Variants in NSMCE2 observed in about 807,000 individuals in gnomAD.
NSMCE2 encodes NSE2 SUMO ligase component of SMC5/6 complex, also known as E3 SUMO-protein ligase NSE2.
NSMCE2 carries 24 observed loss-of-function variants against 23.8 expected under a neutral mutation model. The observed-to-expected ratio is 1.01, with a 90% CI of 0.73 to 1.42. The LOEUF is 1.42. Among genes scored for constraint, NSMCE2 ranks in the 40% most tolerant of loss-of-function variants. The probability of loss-of-function intolerance (pLI) is 0.00; values close to 1 mark genes in which losing one functional copy is unlikely to be tolerated. For synonymous variants in NSMCE2, 92 were observed against 94.1 expected (o/e 0.98, Z 0.13); for missense variants, 284 against 296.5 (o/e 0.96, Z 0.31).
chr8:125,099,987 T>TAGGG (rs1335957184), intron 1 of NSMCE2, among the ~76,000 whole-genome samples: 1 of 151,100 alleles, frequency 6.6e-6, no homozygotes, highest in African/African-American at 2.4e-5. Context: ...TGTCTTAGAG[T>TAGGG]AGGGAGGGAG....
chr8:125,326,116 G>A (rs915322458), intron 5 of NSMCE2, among the ~76,000 whole-genome samples: 1 of 152,060 alleles, frequency 6.6e-6, no homozygotes, highest in South Asian at 2.1e-4. Flanking sequence ...AATTAGCTGG[G>A]TGCGGTGGCA....
In NSMCE2 at chr8:125,290,256, T is replaced by G. The variant is rs191023611; in HGVS notation, c.419-66963T>G. ...TAAAATCATATTAAGTAGAAATGTCTTAGTCAAAACGTGACTGAAAGGAAA... is the reference window on the plus strand; with the variant it reads ...TAAAATCATATTAAGTAGAAATGTCGTAGTCAAAACGTGACTGAAAGGAAA... On this transcript the variant is annotated intron_variant, in intron 5 of 7. Coordinates refer to ENST00000287437, the MANE Select transcript of NSMCE2 (RefSeq NM_173685.4). Among the ~76,000 whole-genome samples the G allele has an allele frequency of 1.8e-3, 269 of 152,232 alleles. 3 individuals carry two copies. The highest frequency in any genetic ancestry group is 1.7e-3 in the Non-Finnish European group (119 of 68,028).
intron 3 of NSMCE2, among the ~76,000 whole-genome samples, chr8:125,145,553 GA>G (rs1355825288): frequency 6.6e-6 from 1 of 152,122 alleles, no homozygotes; most frequent in African/African-American, 2.4e-5. Flanking sequence ...AGGTTCATTT[GA>G]TTAACGAAAG....
At chr8:125,230,197 T>C (rs1825264303) in intron 5 of NSMCE2, among the ~76,000 whole-genome samples, 3 of 152,234 alleles carry the variant, frequency 2.0e-5, no homozygotes. Context: ...AAGAGATTCA[T>C]CCAGATATCA....
chr8:125,113,087 A>G (rs1004712863), intron 3 of NSMCE2, among the ~76,000 whole-genome samples: 2 of 152,014 alleles, frequency 1.3e-5, no homozygotes, highest in Non-Finnish European at 2.9e-5. Flanking sequence ...TACCTACAGA[A>G]TATGAAAAAT....
At chr8:125,182,390 T>C in intron 5 of NSMCE2, 134 bp downstream of exon 5, 1 of 756,252 alleles carries the variant, frequency 1.3e-6, no homozygotes, top group South Asian at 1.6e-5. Flanking sequence ...TGCGTTTTAT[T>C]GTTGTTGCAA....
chr8:125,339,206 A>G (rs1452084116), intron 5 of NSMCE2, among the ~76,000 whole-genome samples: 3 of 152,014 alleles, frequency 2.0e-5, no homozygotes, highest in African/African-American at 7.2e-5. Flanking sequence ...CAGTTCTCCA[A>G]ATGCACCTGG....
intron 5 of NSMCE2, among the ~76,000 whole-genome samples, chr8:125,330,893 T>C (rs962027703): frequency 3.3e-5 from 5 of 152,176 alleles, no homozygotes; most frequent in African/African-American, 1.2e-4. Context: ...TTTAATGTAA[T>C]GCAGAGTCCA....
intron 5 of NSMCE2, among the ~76,000 whole-genome samples, chr8:125,291,609 T>C (rs1563766611): frequency 6.6e-6 from 1 of 152,188 alleles, no homozygotes; most frequent in East Asian, 1.9e-4. Flanking sequence ...TACACCGGGA[T>C]GTGTTTTCAG....
chr8:125,192,012 G>A (rs1441990281), intron 5 of NSMCE2, among the ~76,000 whole-genome samples: 1 of 152,144 alleles, frequency 6.6e-6, no homozygotes, highest in African/African-American at 2.4e-5. Context: ...GTGAAGAAAG[G>A]TTCAGTTATC....
intron 3 of NSMCE2, among the ~76,000 whole-genome samples, chr8:125,140,120 T>G (rs1027029631): frequency 6.6e-6 from 1 of 152,238 alleles, no homozygotes; most frequent in Non-Finnish European, 1.5e-5. Context: ...GATTGTACTG[T>G]TAGAATTTTT....
chr8:125,122,703 T>G (rs1302022802), intron 3 of NSMCE2, among the ~76,000 whole-genome samples: 1 of 152,190 alleles, frequency 6.6e-6, no homozygotes, highest in Non-Finnish European at 1.5e-5. Context: ...TGTTGTACAT[T>G]CGTCCATCTA....
chr8:125,218,537 G>A (rs192896706), intron 5 of NSMCE2, among the ~76,000 whole-genome samples: 1 of 151,300 alleles, frequency 6.6e-6, no homozygotes, highest in East Asian at 2.0e-4. Flanking sequence ...TCAGCCTCCC[G>A]AGTAGCTGTG....
intron 5 of NSMCE2, among the ~76,000 whole-genome samples, chr8:125,313,367 G>A (rs1002575955): frequency 6.6e-5 from 10 of 152,238 alleles, no homozygotes; most frequent in Admixed American, 4.6e-4. Flanking sequence ...AGTCAAGTAT[G>A]GGGAGAAAAA....
chr8:125,254,215 TG>T (rs1826316765), intron 5 of NSMCE2, among the ~76,000 whole-genome samples: 2 of 152,330 alleles, frequency 1.3e-5, no homozygotes, highest in South Asian at 4.1e-4. Flanking sequence ...GTTTCAGTCG[TG>T]TTTGAAGATG....
intron 1 of NSMCE2, among the ~76,000 whole-genome samples, chr8:125,095,896 A>AG (rs2130310355): frequency 6.6e-6 from 1 of 152,070 alleles, no homozygotes; most frequent in East Asian, 1.9e-4. Context: ...AAAAAAAAAA[A>AG]AAAAAGAAAA....
chr8:125,235,556 G>A (rs1825508264), intron 5 of NSMCE2, among the ~76,000 whole-genome samples: 3 of 152,122 alleles, frequency 2.0e-5, no homozygotes, highest in African/African-American at 7.2e-5. Flanking sequence ...ATATATAGAT[G>A]TATATATAGA....
At chr8:125,093,579 G>A (rs1385514080) in intron 1 of NSMCE2, among the ~76,000 whole-genome samples, 3 of 151,810 alleles carry the variant, frequency 2.0e-5, no homozygotes, top group Non-Finnish European at 4.4e-5. Flanking sequence ...TAACATAATT[G>A]GTGTGTCCTG....
intron 5 of NSMCE2, among the ~76,000 whole-genome samples, chr8:125,291,626 G>A (rs1828109856): frequency 6.6e-6 from 1 of 152,148 alleles, no homozygotes; most frequent in African/African-American, 2.4e-5. Context: ...TCAGTGTGAT[G>A]GAAAGATTGT....
Sources: allele counts gnomAD v4.1 joint callset (sites outside exome capture counted in the v4.1 genomes callset), GRCh38; gene constraint gnomAD v4.1.1; transcripts MANE v1.5; gene names NCBI Gene and HGNC (gene_info 2026-07-23, HGNC 2026-07-21).